The following CADM2 variants were observed in gnomAD, a reference collection of about 807,000 sequenced individuals.
The protein encoded by CADM2 is cell adhesion molecule 2.
A neutral mutation model predicts 49.8 loss-of-function variants in CADM2; 12 were observed. The ratio of observed to expected loss-of-function variants is 0.24; its 90% CI spans 0.15 to 0.39. CADM2 has a LOEUF of 0.39. Among genes scored for constraint, CADM2 ranks in the 10% least tolerant of loss-of-function variants. CADM2 has a pLI of 1.00. For missense variants in CADM2, 378 were observed against 492.3 expected, an observed-to-expected ratio of 0.77 and a Z score of 2.20; for synonymous variants, 214 against 175.4, an observed-to-expected ratio of 1.22 and a Z score of -1.74.
intron 1 of CADM2, among the ~76,000 whole-genome samples, chr3:84,989,236 T>A (rs962609368): frequency 7.2e-5 from 11 of 152,274 alleles, no homozygotes; most frequent in Non-Finnish European, 1.5e-4. Context: ...TACTTAATAA[T>A]TCACAACAAA....
chr3:86,007,011 G>T (rs1271380446), intron 8 of CADM2, among the ~76,000 whole-genome samples: 1 of 152,030 alleles, frequency 6.6e-6, no homozygotes, highest in Non-Finnish European at 1.5e-5. Context: ...TTGCACTCCA[G>T]CCTGGGTGAC....
intron 1 of CADM2, among the ~76,000 whole-genome samples, chr3:84,962,569 G>A (rs371891281): frequency 2.0e-5 from 3 of 152,136 alleles, no homozygotes; most frequent in Admixed American, 1.3e-4. Context: ...AATACTTAGC[G>A]GGTCTTTCTA....
chr3:84,976,092 A>G (rs2031798253), intron 1 of CADM2, among the ~76,000 whole-genome samples: 1 of 151,868 alleles, frequency 6.6e-6, no homozygotes, highest in African/African-American at 2.4e-5. Context: ...AATATTTAAG[A>G]TTATATAAAA....
At chr3:85,710,054 C>T (rs1476321831) in intron 1 of CADM2, among the ~76,000 whole-genome samples, 1 of 152,112 alleles carries the variant, frequency 6.6e-6, no homozygotes, top group Non-Finnish European at 1.5e-5. Context: ...GTGCCCATTC[C>T]TCTTTTACTA....
At chr3:85,456,151 T>C (rs1388445662) in intron 1 of CADM2, among the ~76,000 whole-genome samples, 1 of 152,154 alleles carries the variant, frequency 6.6e-6, no homozygotes, top group African/African-American at 2.4e-5. Flanking sequence ...TGACTTTGAT[T>C]ATAAGCATTT....
chr3:85,778,487 T>A (rs1486422821), intron 2 of CADM2, among the ~76,000 whole-genome samples: 3 of 152,036 alleles, frequency 2.0e-5, no homozygotes, highest in African/African-American at 7.2e-5. Flanking sequence ...CTCGTGATAA[T>A]GCACGAGATC....
At chr3:85,157,398 A>G (rs1022904038) in intron 1 of CADM2, among the ~76,000 whole-genome samples, 19 of 151,990 alleles carry the variant, frequency 1.3e-4, no homozygotes, top group African/African-American at 4.6e-4. Context: ...CCTAAGCCAA[A>G]AGAACAAAGC....
At chr3:85,394,811 T>C (rs979301493) in intron 1 of CADM2, among the ~76,000 whole-genome samples, 2 of 152,180 alleles carry the variant, frequency 1.3e-5, no homozygotes, top group Non-Finnish European at 2.9e-5. Flanking sequence ...AATTATTTTA[T>C]ATTTTCTCAT....
At chr3:86,007,890 A>G (rs1400947892) in intron 8 of CADM2, among the ~76,000 whole-genome samples, 1 of 152,200 alleles carries the variant, frequency 6.6e-6, no homozygotes, top group Non-Finnish European at 1.5e-5. Flanking sequence ...TAAATTTCAG[A>G]TGAGCAATGT....
chr3:85,851,834 GA>G (rs1421448179), intron 3 of CADM2, among the ~76,000 whole-genome samples: 1 of 151,926 alleles, frequency 6.6e-6, no homozygotes, highest in African/African-American at 2.4e-5. Flanking sequence ...AGACACCAAA[GA>G]TTTTCATCTT....
At chr3:85,996,461 A>G (rs930420830) in intron 8 of CADM2, among the ~76,000 whole-genome samples, 2 of 151,862 alleles carry the variant, frequency 1.3e-5, no homozygotes, top group Non-Finnish European at 2.9e-5. Context: ...CCTAGTTGCA[A>G]AATTGGAACT....
At chr3:85,001,926 G>C (rs779330099) in intron 1 of CADM2, among the ~76,000 whole-genome samples, 95 of 152,096 alleles carry the variant, frequency 6.2e-4, no homozygotes, top group Non-Finnish European at 1.1e-3. Flanking sequence ...AATAGTTGCA[G>C]AGAAACTTAA....
intron 1 of CADM2, among the ~76,000 whole-genome samples, chr3:85,101,669 A>G (rs1448737160): frequency 6.6e-6 from 1 of 152,216 alleles, no homozygotes; most frequent in Admixed American, 6.5e-5. Context: ...GAATTGCATG[A>G]CTACAGCTTA....
At chr3:85,409,385 T>G (rs759755178) in intron 1 of CADM2, among the ~76,000 whole-genome samples, 1 of 152,160 alleles carries the variant, frequency 6.6e-6, no homozygotes, top group Non-Finnish European at 1.5e-5. Flanking sequence ...CTGGTCAGCA[T>G]CATATTAAGT....
chr3:85,198,222 T>C lies in CADM2; in HGVS notation c.61+238554T>C, dbSNP rs572129046. ...CCAGTAGTTAGAGAAGCAATGATAT[T>C]CTAAAATACCCTAGCATTTCCATGT... On this transcript the variant is annotated intron_variant, in intron 1 of 9. Coordinates refer to ENST00000383699, the MANE Select transcript of CADM2 (RefSeq NM_001167675.2). 9.6e-4 allele frequency among the ~76,000 whole-genome samples: 146 copies of C among 151,870 alleles called. 1 individual carries two copies. Among genetic ancestry groups the C allele is most frequent in the Non-Finnish European group, 1.6e-3 (109 of 67,838 alleles).
chr3:85,125,593 C>A (rs1310109301), intron 1 of CADM2, among the ~76,000 whole-genome samples: 1 of 152,110 alleles, frequency 6.6e-6, no homozygotes, highest in African/African-American at 2.4e-5. Flanking sequence ...ATCCTGAGCT[C>A]AAGGCATCCA....
At chr3:86,005,553 T>TA (rs1359090473) in intron 8 of CADM2, among the ~76,000 whole-genome samples, 21 of 90,878 alleles carry the variant, frequency 2.3e-4, no homozygotes, top group African/African-American at 5.0e-4. Flanking sequence ...CTCCGTCTCA[T>TA]ATAAAAAAAA....
chr3:85,249,444 A>G lies in CADM2; in HGVS notation c.61+289776A>G, dbSNP rs529386086. 2.0e-5 allele frequency among the ~76,000 whole-genome samples: 3 copies of G among 152,112 alleles called. No individual in the cohort carries two copies. The South Asian group carries it at 6.2e-4, about 32-fold the overall frequency. ...TACAAAGCAATTCTCACCAATTTCA[A>G]ACATCTTGACAAAAAAAAAATTGCT... On this transcript the variant is annotated intron_variant, in intron 1 of 9. Transcript: ENST00000383699.
intron 1 of CADM2, among the ~76,000 whole-genome samples, chr3:85,208,088 T>C (rs1157596068): frequency 1.3e-5 from 2 of 152,194 alleles, no homozygotes; most frequent in African/African-American, 4.8e-5. Context: ...GCAAATGTCA[T>C]ATGAAGGCAC....
Sources: allele counts gnomAD v4.1 joint callset (sites outside exome capture counted in the v4.1 genomes callset), GRCh38; gene constraint gnomAD v4.1.1; transcripts MANE v1.5; gene names NCBI Gene and HGNC (gene_info 2026-07-23, HGNC 2026-07-21).